Variants in C19orf44 observed in about 807,000 individuals in gnomAD.
The protein encoded by C19orf44 is chromosome 19 open reading frame 44.
C19orf44 carries 43 observed loss-of-function variants against 50.7 expected under a neutral mutation model. The observed-to-expected ratio is 0.85, with a 90% confidence interval of 0.66 to 1.09. The LOEUF (loss-of-function observed/expected upper bound fraction) is 1.09, where lower values mean the gene tolerates loss of function less well. C19orf44 is among the 50% of genes least tolerant of loss of function. C19orf44 has a pLI of 0.00. For missense variants in C19orf44, 722 were observed against 836.2 expected, an observed-to-expected ratio of 0.86 and a Z score of 1.68; for synonymous variants, 298 against 334.7, an observed-to-expected ratio of 0.89 and a Z score of 1.20.
chr19:16,503,484 G>A (rs2093431886), intron 3 of C19orf44, 104 bp downstream of exon 3: 1 of 1,201,780 alleles, frequency 8.3e-7, no homozygotes. Context: ...CAGGCAGGGA[G>A]TTTTGAGTCG....
Position 16,501,212 on chromosome 19 carries a change from C to T in C19orf44, c.420C>T (p.Leu140=), listed in dbSNP as rs781437375. Residue 140 remains leucine, a synonymous_variant, in exon 2 of 9, where the codon CTC becomes CTT. Transcript: ENST00000221671. Reference sequence around the variant, plus strand: ...ACAGAATCCTCTCTGGGGGTGCACTCGAACTCGCGTCCCAGAACACAGACA... The same window carrying T: ...ACAGAATCCTCTCTGGGGGTGCACTTGAACTCGCGTCCCAGAACACAGACA... ...RADRILSGGA[L]ELASQNTDKT... is the part of the protein sequence containing the mutation. The T allele has an allele frequency of 2.5e-6, 4 of 1,613,974 alleles. No homozygotes were observed. The highest frequency in any genetic ancestry group is 1.3e-5 in the African/African-American group (1 of 74,912).
intron 8 of C19orf44, 37 bp downstream of exon 8, chr19:16,517,378 CACAA>C (rs1484505213): frequency 5.6e-5 from 79 of 1,421,274 alleles, no homozygotes; most frequent in Non-Finnish European, 7.1e-5. Flanking sequence ...CACACACGCA[CACAA>C]ACATAGAGCT....
Position 16,519,763 on chromosome 19 carries a change from A to G in C19orf44, c.*41-331A>G. ...TTTTTAAGAAGTAACTGAGACATTTATTGGAATGACAGTGATGAGGACCTC... is the reference window on the plus strand; with the variant it reads ...TTTTTAAGAAGTAACTGAGACATTTGTTGGAATGACAGTGATGAGGACCTC... On this transcript the variant is annotated intron_variant, in intron 8 of 8. Transcript: ENST00000221671. The surrounding 1 kb of genome is among the most constrained non-coding windows in gnomAD (Gnocchi z 6.0). 1.3e-6 allele frequency: 2 copies of G among 1,499,130 alleles called. No individual in the cohort carries two copies. The highest frequency in any genetic ancestry group is 1.9e-6 in the Non-Finnish European group (2 of 1,075,642). The allele number at this position is 1,499,130 out of a possible 1,614,324, so 92.9% of individuals were successfully genotyped here.
At chr19:16,509,020 A>G (rs980231268) in intron 4 of C19orf44, among the ~76,000 whole-genome samples, 25 of 152,058 alleles carry the variant, frequency 1.6e-4, no homozygotes, top group African/African-American at 5.8e-4. Context: ...GGGTTTCTCC[A>G]TGTTGGTCAG....
chr19:16,520,648 G>C lies in C19orf44; in HGVS notation c.*595G>C. 8.4e-7 allele frequency: 1 copy of C among 1,189,430 alleles called. No homozygotes were observed. The highest frequency in any genetic ancestry group is 1.2e-6 in the Non-Finnish European group (1 of 829,056). 73.7% of individuals were successfully genotyped at this position (1,189,430 alleles called of 1,614,324 possible). Reference sequence around the variant, plus strand: ...GCCATAGCCACAGCAACGGTACCAAGTTCCTAAATAGTGTGGCCGAGCCTG... The same window carrying C: ...GCCATAGCCACAGCAACGGTACCAACTTCCTAAATAGTGTGGCCGAGCCTG... On this transcript the variant is annotated 3_prime_UTR_variant, in exon 9 of 9. Transcript: ENST00000221671. The surrounding 1 kb of genome is among the most constrained non-coding windows in gnomAD (Gnocchi z 4.0).
At chr19:16,504,233 GC>G (rs1856725422) in intron 3 of C19orf44, among the ~76,000 whole-genome samples, 1 of 152,090 alleles carries the variant, frequency 6.6e-6, no homozygotes, top group East Asian at 1.9e-4. Flanking sequence ...ACCTGTTGGG[GC>G]ACCAGAATCT....
Position 16,520,091 on chromosome 19 carries a change from C to T in C19orf44, c.*41-3C>T, listed in dbSNP as rs190970269. The T allele has an allele frequency of 3.1e-4, 479 of 1,547,132 alleles. 1 individual carries two copies. The African/African-American group carries it at 5.2e-3, about 17-fold the overall frequency. On this transcript the variant is annotated splice_region_variant and splice_polypyrimidine_tract_variant and intron_variant, in intron 8 of 8. Coordinates refer to ENST00000221671, the MANE Select transcript of C19orf44 (RefSeq NM_032207.4). This position sits in a 1 kb window ranked among gnomAD's most constrained non-coding sequence, Gnocchi z 4.0. The stretch of plus-strand genomic sequence containing the variant: ...CTAACCACCAATGTTTCCACATTCA[C>T]AGCAAAGCACCGCAGCTTCCCAGAG...
At chr19:16,502,923 G>C in intron 2 of C19orf44, 142 bp from the exon 3 acceptor site, 1 of 705,400 alleles carries the variant, frequency 1.4e-6, no homozygotes, top group Non-Finnish European at 2.3e-6. Context: ...CCAGGATGTC[G>C]AGGCTACAGT....
At chr19:16,507,185 G>GA (rs1302330563) in intron 4 of C19orf44, among the ~76,000 whole-genome samples, 1 of 152,224 alleles carries the variant, frequency 6.6e-6, no homozygotes, top group Non-Finnish European at 1.5e-5. Flanking sequence ...CAGCTGCCAA[G>GA]AATGTTGTGG....
intron 4 of C19orf44, among the ~76,000 whole-genome samples, chr19:16,509,146 A>G (rs935434252): frequency 4.7e-5 from 7 of 149,968 alleles, no homozygotes; most frequent in African/African-American, 1.2e-4. Context: ...TTTTTTTCTT[A>G]TAGAGGTAGG....
intron 5 of C19orf44, among the ~76,000 whole-genome samples, chr19:16,510,958 A>G (rs1241719236): frequency 6.6e-6 from 1 of 151,620 alleles, no homozygotes. Context: ...CTGGTCTCAA[A>G]CTCGTGGGCT....
At position 16,517,262 on chromosome 19, in the gene C19orf44, C is replaced by T. The variant is rs774137668; in HGVS notation, c.1935C>T (p.Thr645=). Residue 645 remains threonine (T), a synonymous_variant, in exon 8 of 9, where the codon ACC becomes ACT. Coordinates refer to ENST00000221671, the MANE Select transcript of C19orf44 (RefSeq NM_032207.4). ...GGTGCCACAGACCTGCCCCACTGAC[C>T]ATGGAGGATGCCCTGGAGGAGGTGA... ...YIRCHRPAPL[T]MEDALEEVNK... is the part of the protein sequence containing the mutation. 5.6e-6 allele frequency: 9 copies of T among 1,614,142 alleles called. No homozygotes were observed. The highest frequency in any genetic ancestry group is 6.8e-6 in the Non-Finnish European group (8 of 1,180,026).
At chr19:16,500,708 T>G in intron 1 of C19orf44, 84 bp from the exon 2 acceptor site, 37 of 1,358,334 alleles carry the variant, frequency 2.7e-5, no homozygotes, top group Non-Finnish European at 3.2e-5. Flanking sequence ...AAAGACAGTG[T>G]GAGCTTTTGC....
At chr19:16,508,843 A>G (rs1164062029) in intron 4 of C19orf44, among the ~76,000 whole-genome samples, 1 of 150,562 alleles carries the variant, frequency 6.6e-6, no homozygotes, top group African/African-American at 2.4e-5. Context: ...TTTTTGAGAC[A>G]GAGTTTTGCT....
rs544840625 is a variant in C19orf44 at position 16,513,509 on chromosome 19, G to A, written c.1735+400G>A. On this transcript the variant is annotated intron_variant, in intron 6 of 8. Coordinates refer to ENST00000221671, the MANE Select transcript of C19orf44 (RefSeq NM_032207.4). ...AGCGATTCTCCTGCCTCAGCCTCCC[G>A]AGTAGCTGGGATTACAGGCACCTGC... 1.7e-4 allele frequency among the ~76,000 whole-genome samples: 25 copies of A among 151,428 alleles called. No individual in the cohort carries two copies. The East Asian group carries it at 3.7e-3, about 23-fold the overall frequency.
intron 4 of C19orf44, among the ~76,000 whole-genome samples, chr19:16,507,606 C>T (rs1196975600): frequency 6.6e-6 from 1 of 150,952 alleles, no homozygotes; most frequent in African/African-American, 2.4e-5. Context: ...ATTCTCCTGC[C>T]TCTGCCTCCC....
intron 4 of C19orf44, among the ~76,000 whole-genome samples, chr19:16,508,015 C>T (rs1424348970): frequency 6.6e-6 from 1 of 151,638 alleles, no homozygotes; most frequent in African/African-American, 2.4e-5. Flanking sequence ...CCGTGTTAGC[C>T]AGGATAGTCT....
Position 16,519,901 on chromosome 19 carries a change from C to T in C19orf44, c.*41-193C>T. On this transcript the variant is annotated intron_variant, in intron 8 of 8. Transcript: ENST00000221671. This position sits in a 1 kb window ranked among gnomAD's most constrained non-coding sequence, Gnocchi z 6.0. ...AGATAAGGGGGCTCCAGACGCTGGCCCCCACCCCACGCTCAGCATTGAGAG... is the reference window on the plus strand; with the variant it reads ...AGATAAGGGGGCTCCAGACGCTGGCTCCCACCCCACGCTCAGCATTGAGAG... 1 of 669,188 alleles carries T rather than the reference C, an allele frequency of 1.5e-6. No individual in the cohort carries two copies. Among genetic ancestry groups the T allele is most frequent in the Non-Finnish European group, 2.6e-6 (1 of 384,388 alleles). The allele number at this position is 669,188 out of a possible 1,614,324, so 41.5% of individuals were successfully genotyped here. A position where few individuals can be genotyped will look rare whatever the true frequency, so the allele number is the denominator to read the frequency against.
At chr19:16,516,201 G>C (rs2093471214) in intron 7 of C19orf44, among the ~76,000 whole-genome samples, 1 of 152,172 alleles carries the variant, frequency 6.6e-6, no homozygotes, top group South Asian at 2.1e-4. Flanking sequence ...TTGGGAAGCT[G>C]AGGCAGGGTG....
Sources: gnomAD v4.1 joint callset for allele counts (sites outside exome capture counted in the v4.1 genomes callset) on GRCh38, gnomAD v4.1.1 for gene constraint, Gnocchi (gnomAD v3.1) non-coding constraint, MANE v1.5 for transcripts, NCBI Gene and HGNC (gene_info 2026-07-23, HGNC 2026-07-21) for gene names.